Variants in CYP11A1 observed in about 807,000 individuals in gnomAD.
CYP11A1 encodes cytochrome P450 family 11 subfamily A member 1.
Under a neutral mutation model 51.9 loss-of-function variants are expected in CYP11A1, and 25 were observed. That is an observed-to-expected ratio of 0.48 (90% confidence interval 0.35 to 0.67). CYP11A1 has a LOEUF of 0.67. Among genes scored for constraint, CYP11A1 ranks in the 30% least tolerant of loss-of-function variants. CYP11A1 has a pLI of 0.00. For missense variants in CYP11A1, 578 were observed against 680.9 expected (o/e 0.85, Z 1.68); for synonymous variants, 245 against 262.1 (o/e 0.93, Z 0.63).
At chr15:74,343,441 C>T (rs1316231005) in intron 4 of CYP11A1, among the ~76,000 whole-genome samples, 6 of 152,192 alleles carry the variant, frequency 3.9e-5, no homozygotes, top group African/African-American at 1.2e-4. Flanking sequence ...CATACCCTGA[C>T]GAGCCTTCTC....
At chr15:74,354,303 T>G (rs1160189126) in intron 1 of CYP11A1, among the ~76,000 whole-genome samples, 1 of 152,166 alleles carries the variant, frequency 6.6e-6, no homozygotes, top group African/African-American at 2.4e-5. Context: ...CTCCTGGCTC[T>G]TCTGGCTCAA....
chr15:74,356,980 G>A (rs2060683542), intron 1 of CYP11A1, among the ~76,000 whole-genome samples: 1 of 152,104 alleles, frequency 6.6e-6, no homozygotes, highest in Admixed American at 6.5e-5. Flanking sequence ...TTACAGCATG[G>A]CCTTTTAAAG....
At chr15:74,347,338 G>A (rs147564342) in intron 2 of CYP11A1, among the ~76,000 whole-genome samples, 34 of 152,234 alleles carry the variant, frequency 2.2e-4, no homozygotes, top group African/African-American at 7.7e-4. Context: ...GTGCCGGGGG[G>A]CAGAGGCTGC....
At chr15:74,362,775 G>A (rs1262347220) in intron 1 of CYP11A1, 1 of 152,202 alleles carries the variant, frequency 6.6e-6, no homozygotes, top group African/African-American at 2.4e-5. Flanking sequence ...ACGAACAATA[G>A]AAGTGGAAAA....
chr15:74,338,370 C>T (rs1425430120), intron 8 of CYP11A1: 1 of 717,966 alleles, frequency 1.4e-6, no homozygotes, highest in Non-Finnish European at 2.4e-6. Context: ...TGGCCAGGGG[C>T]ATCAGTGGGT....
At position 74,367,564 on chromosome 15, in the gene CYP11A1, G is replaced by C; in HGVS notation, c.22C>G (p.Pro8Ala). The change falls in exon 1 of 9, where the codon CCA becomes GCA. Residue 8 changes from proline (P) to alanine (A), a missense_variant. Physicochemically the swap from Pro to Ala is conservative, Grantham distance 27. Coordinates refer to ENST00000268053, the MANE Select transcript of CYP11A1 (RefSeq NM_000781.3). ...CAGCCTTTGACCAGGACTGAGCGTGGGGGAAGACCCTTGGCCAGCATGCTG... is the reference window on the plus strand; with the variant it reads ...CAGCCTTTGACCAGGACTGAGCGTGCGGGAAGACCCTTGGCCAGCATGCTG... MLAKGLP[P>A]RSVLVKGCQT... is the part of the protein sequence containing the mutation. 1 of 1,614,032 alleles carries C rather than the reference G, an allele frequency of 6.2e-7. No homozygotes were observed. Among genetic ancestry groups the C allele is most frequent in the South Asian group, 1.1e-5 (1 of 91,078 alleles).
rs957159157 is a variant in CYP11A1, at chr15:74,347,422, T to A, written c.425+478A>T. On this transcript the variant is annotated intron_variant, in intron 2 of 8. Transcript: ENST00000268053. ...GATCCCATCTCAAAATAAAAAAAAA[T>A]TTATGAACAATTTCGTAGAAAACAG... Among the ~76,000 whole-genome samples, 5 of 151,868 alleles carry A rather than the reference T, an allele frequency of 3.3e-5. No homozygotes were observed. In the East Asian group the frequency reaches 5.8e-4, roughly 18 times the overall value.
chr15:74,345,148 A>G lies in CYP11A1; in HGVS notation c.521T>C (p.Val174Ala), dbSNP rs1596160511. 6.2e-7 allele frequency: 1 copy of G among 1,613,928 alleles called. No homozygotes were observed. Among genetic ancestry groups the G allele is most frequent in the East Asian group, 2.2e-5 (1 of 44,890 alleles). ...TKNFLPLLDA[V>A]SRDFVSVLHR... ...CAGGACACTGACGAAGTCCCGAGAC[A>G]CTGCATCCAACAGGGGCAAAAAGTT... Residue 174 changes from valine to alanine, a missense_variant, in exon 3 of 9, where the codon GTG becomes GCG. By Grantham distance (64) the Val-to-Ala change is moderately conservative (BLOSUM62 0). Coordinates refer to ENST00000268053, the MANE Select transcript of CYP11A1 (RefSeq NM_000781.3). The surrounding 1 kb of genome is among the most constrained non-coding windows in gnomAD (Gnocchi z 4.3).
intron 1 of CYP11A1, chr15:74,362,692 C>T (rs2060714454): frequency 6.6e-6 from 1 of 152,180 alleles, no homozygotes; most frequent in African/African-American, 2.4e-5. Flanking sequence ...CAGCTTTTCC[C>T]AAGTTCACAG....
Position 74,345,336 on chromosome 15 carries a change from G to A in CYP11A1, c.426-93C>T, listed in dbSNP as rs1461107986. 1.0e-5 allele frequency: 14 copies of A among 1,402,396 alleles called. No homozygotes were observed. The highest frequency in any genetic ancestry group is 3.0e-6 in the Non-Finnish European group (3 of 1,002,726). 86.9% of individuals were successfully genotyped at this position (1,402,396 alleles called of 1,614,324 possible). A position where few individuals can be genotyped will look rare whatever the true frequency, so the allele number is the denominator to read the frequency against. ...TGACTCAGTTTTCCCAGGAAGCTGA[G>A]TCACAGCTCACAGCATCCAGCACTC... On this transcript the variant is annotated intron_variant, in intron 2 of 8. Transcript: ENST00000268053. This position sits in a 1 kb window ranked among gnomAD's most constrained non-coding sequence, Gnocchi z 4.3.
rs903178969 is a variant in CYP11A1 at position 74,365,699 on chromosome 15, G to T, written c.269+1618C>A. ...ATCAGAAGTTGGACAGGAGAGGTCC[G>T]GCCGCGCGGACGTCACCTTAGCGCG... On this transcript the variant is annotated intron_variant, in intron 1 of 8. Transcript: ENST00000268053. The T allele has an allele frequency of 5.1e-6, 5 of 985,382 alleles. No individual in the cohort carries two copies. In the Admixed American group the frequency reaches 1.8e-4, roughly 36 times the overall value. 61.0% of individuals were successfully genotyped at this position (985,382 alleles called of 1,614,324 possible).
chr15:74,362,516 C>T (rs969809796), intron 1 of CYP11A1: 2 of 151,044 alleles, frequency 1.3e-5, no homozygotes, highest in African/African-American at 4.9e-5. Context: ...ACTGTCCTTG[C>T]CATCTACACT....
chr15:74,339,295 G>C lies in CYP11A1; in HGVS notation c.1178C>G (p.Thr393Ser). Reference protein sequence around the residue: ...ETLRLHPISVTLQRYLVNDLV... With the variant: ...ETLRLHPISVSLQRYLVNDLV... ...GTCATTTACAAGATATCTCTGCAGGGTCACGGAGATGGGGTGAAGTCTGCG... is the reference window on the plus strand; with the variant it reads ...GTCATTTACAAGATATCTCTGCAGGCTCACGGAGATGGGGTGAAGTCTGCG... Residue 393 changes from threonine to serine, a missense_variant, in exon 7 of 9, where the codon ACC becomes AGC. By Grantham distance (58) the Thr-to-Ser change is moderately conservative. Transcript: ENST00000268053. 2 of 1,614,196 alleles carry C rather than the reference G, an allele frequency of 1.2e-6. No homozygotes were observed. Among genetic ancestry groups the C allele is most frequent in the Non-Finnish European group, 1.7e-6 (2 of 1,180,006 alleles).
intron 8 of CYP11A1, 76 bp from the exon 9 acceptor site, chr15:74,338,179 G>A (rs537429014): frequency 1.3e-6 from 2 of 1,565,148 alleles, no homozygotes; most frequent in East Asian, 2.2e-5. Context: ...TTCACCCATA[G>A]GCAGTGCCTG....
chr15:74,346,414 C>T (rs948332988), intron 2 of CYP11A1, among the ~76,000 whole-genome samples: 6 of 149,590 alleles, frequency 4.0e-5, no homozygotes, highest in Non-Finnish European at 8.9e-5. Context: ...GCCAGACTTG[C>T]TTTTTTCACT....
At position 74,367,571 on chromosome 15, in the gene CYP11A1, A is replaced by C. The variant is rs185518723; in HGVS notation, c.15T>G (p.Gly5=). 1 of 1,613,488 alleles carries C rather than the reference A, an allele frequency of 6.2e-7. No individual in the cohort carries two copies. The highest frequency in any genetic ancestry group is 1.3e-5 in the African/African-American group (1 of 74,838). The stretch of plus-strand genomic sequence containing the variant: ...TGACCAGGACTGAGCGTGGGGGAAG[A>C]CCCTTGGCCAGCATGCTGTCCCCAC... MLAK[G]LPPRSVLVKG... Residue 5 remains glycine, a synonymous_variant, in exon 1 of 9, where the codon GGT becomes GGG. Coordinates refer to ENST00000268053, the MANE Select transcript of CYP11A1 (RefSeq NM_000781.3).
chr15:74,365,507 T>C (rs183835284), intron 1 of CYP11A1: 242 of 222,310 alleles, frequency 1.1e-3, no homozygotes, highest in Non-Finnish European at 1.6e-3. Flanking sequence ...GCTTGCAAGG[T>C]GTGCGGAGGG....
intron 1 of CYP11A1, chr15:74,366,352 C>T (rs1260320245): frequency 3.4e-4 from 247 of 724,728 alleles, no homozygotes; most frequent in Non-Finnish European, 4.0e-4. Context: ...GACATGATCT[C>T]GGCTCACTGC....
intron 1 of CYP11A1, chr15:74,366,277 ATT>A (rs759681873): frequency 0.057 from 42,489 of 749,834 alleles, 3 homozygotes; most frequent in Non-Finnish European, 0.06. Flanking sequence ...CCCTCCCCCG[ATT>A]TTTTTTTTTT....
Sources: gnomAD v4.1 joint callset for allele counts (sites outside exome capture counted in the v4.1 genomes callset) on GRCh38, gnomAD v4.1.1 for gene constraint, Gnocchi (gnomAD v3.1) non-coding constraint, MANE v1.5 for transcripts, NCBI Gene and HGNC (gene_info 2026-07-23, HGNC 2026-07-21) for gene names.